The following ULK4 variants were observed in gnomAD, a reference collection of about 807,000 sequenced individuals.
ULK4 encodes the protein unc-51 like kinase 4, also known as inactive serine/threonine-protein kinase ULK4.
A neutral mutation model predicts 160.6 loss-of-function variants in ULK4; 133 were observed. The observed-to-expected ratio is 0.83, with a 90% CI of 0.72 to 0.96. The LOEUF (loss-of-function observed/expected upper bound fraction) is 0.96. Among genes scored for constraint, ULK4 ranks in the 40% least tolerant of loss-of-function variants. The pLI is 0.00. For synonymous variants in ULK4, 534 were observed against 539.8 expected (o/e 0.99, Z 0.15); for missense variants, 1,580 against 1,499.5 (o/e 1.05, Z -0.89).
At chr3:41,359,790 G>A (rs1012782705) in intron 35 of ULK4, among the ~76,000 whole-genome samples, 5 of 152,120 alleles carry the variant, frequency 3.3e-5, no homozygotes, top group Non-Finnish European at 5.9e-5. Flanking sequence ...ATGGAGTAGA[G>A]ACTTAAATGT....
At chr3:41,738,885 C>T (rs2038142952) in intron 22 of ULK4, among the ~76,000 whole-genome samples, 1 of 151,870 alleles carries the variant, frequency 6.6e-6, no homozygotes, top group South Asian at 2.1e-4. Context: ...ATTCTACAAG[C>T]TGCTGGGCCA....
At chr3:41,490,739 G>A (rs1288798885) in intron 32 of ULK4, among the ~76,000 whole-genome samples, 2 of 152,116 alleles carry the variant, frequency 1.3e-5, no homozygotes, top group African/African-American at 4.8e-5. Flanking sequence ...ACCATGGTTT[G>A]GGAATATTAA....
Position 41,960,838 on chromosome 3 carries a change from T to C in ULK4, c.-49+1178A>G, listed in dbSNP as rs143221057. Among the ~76,000 whole-genome samples, 7 of 152,280 alleles carry C rather than the reference T, an allele frequency of 4.6e-5. No homozygotes were observed. The East Asian group carries it at 1.3e-3, about 29-fold the overall frequency. On this transcript the variant is annotated intron_variant, in intron 1 of 36. Transcript: ENST00000301831. ...AGAAAACTCCACAGAATACATAGTT[T>C]AATGAATTACTAAAGAGGGACACCC... is the stretch of plus-strand genomic sequence containing the variant.
chr3:41,313,287 C>T (rs2125722357), intron 35 of ULK4, among the ~76,000 whole-genome samples: 1 of 152,260 alleles, frequency 6.6e-6, no homozygotes. Flanking sequence ...ATCTAAAGTA[C>T]CAATTTCATA....
intron 12 of ULK4, among the ~76,000 whole-genome samples, chr3:41,904,764 A>C (rs1698494514): frequency 6.6e-6 from 1 of 152,210 alleles, no homozygotes; most frequent in South Asian, 2.1e-4. Context: ...TATATTTGTC[A>C]AGCAATAAGT....
At chr3:41,785,365 T>C (rs139673279) in intron 21 of ULK4, among the ~76,000 whole-genome samples, 327 of 152,314 alleles carry the variant, frequency 2.1e-3, no homozygotes, top group African/African-American at 7.6e-3. Context: ...ATAAAATGCA[T>C]AGACGCAGAC....
chr3:41,733,177 T>C (rs532378220), intron 22 of ULK4, among the ~76,000 whole-genome samples: 1 of 152,278 alleles, frequency 6.6e-6, no homozygotes, highest in South Asian at 2.1e-4. Context: ...ATTTGATCAT[T>C]ACACAGTGTA....
At chr3:41,458,584 A>G (rs1482965816) in intron 33 of ULK4, among the ~76,000 whole-genome samples, 4 of 152,096 alleles carry the variant, frequency 2.6e-5, no homozygotes, top group Non-Finnish European at 5.9e-5. Context: ...ATAACAGAAT[A>G]CAGCTTCTTA....
At chr3:41,501,283 G>T (rs1327557650) in intron 32 of ULK4, among the ~76,000 whole-genome samples, 1 of 152,174 alleles carries the variant, frequency 6.6e-6, no homozygotes, top group East Asian at 1.9e-4. Context: ...GGATCACGAG[G>T]TCAGGAGATC....
At chr3:41,680,688 G>A (rs993013853) in intron 29 of ULK4, among the ~76,000 whole-genome samples, 6 of 152,100 alleles carry the variant, frequency 3.9e-5, no homozygotes, top group African/African-American at 1.4e-4. Context: ...TTAAGAAGTT[G>A]AAACAATAGA....
At chr3:41,880,030 G>C (rs1445409062) in intron 17 of ULK4, among the ~76,000 whole-genome samples, 2 of 152,126 alleles carry the variant, frequency 1.3e-5, no homozygotes, top group Non-Finnish European at 2.9e-5. Flanking sequence ...TGAGGCAGGA[G>C]AATCGTTTGA....
At chr3:41,638,508 G>A (rs1016924981) in intron 30 of ULK4, among the ~76,000 whole-genome samples, 12 of 152,270 alleles carry the variant, frequency 7.9e-5, no homozygotes, top group East Asian at 3.9e-4. Context: ...TGACTTCACC[G>A]CCTGGGTTTT....
At chr3:41,936,987 C>T (rs1476434044) in intron 3 of ULK4, 1 of 229,910 alleles carries the variant, frequency 4.3e-6, no homozygotes, top group Admixed American at 5.3e-5. Flanking sequence ...TTATTACACA[C>T]TGCATGCCTG....
intron 20 of ULK4, among the ~76,000 whole-genome samples, chr3:41,795,509 T>G (rs1370808734): frequency 6.6e-6 from 1 of 152,126 alleles, no homozygotes; most frequent in East Asian, 1.9e-4. Context: ...CAGAGAGAGA[T>G]AAACAAAACA....
chr3:41,251,850 G>C (rs1209009412), intron 35 of ULK4, among the ~76,000 whole-genome samples: 1 of 152,190 alleles, frequency 6.6e-6, no homozygotes, highest in Non-Finnish European at 1.5e-5. Context: ...GAAACCCAGA[G>C]AACCAGAAAG....
At chr3:41,256,865 A>T (rs2078845660) in intron 35 of ULK4, among the ~76,000 whole-genome samples, 1 of 152,228 alleles carries the variant, frequency 6.6e-6, no homozygotes, top group South Asian at 2.1e-4. Flanking sequence ...CTCTTTAAAA[A>T]TATTATTTTT....
chr3:41,774,602 G>A (rs1233267365), intron 21 of ULK4, among the ~76,000 whole-genome samples: 4 of 149,440 alleles, frequency 2.7e-5, no homozygotes, highest in African/African-American at 1.0e-4. Flanking sequence ...TGGAGAAATA[G>A]GAACACTTTT....
intron 32 of ULK4, among the ~76,000 whole-genome samples, chr3:41,490,715 T>C (rs181828117): frequency 6.6e-6 from 1 of 152,330 alleles, no homozygotes; most frequent in East Asian, 1.9e-4. Flanking sequence ...TCTTGAGAGT[T>C]TTCTACAATG....
rs1438395535 is a variant in ULK4, at chr3:41,715,325, C to G, written c.2578-32G>C. 3.7e-6 allele frequency: 6 copies of G among 1,612,540 alleles called. No individual in the cohort carries two copies. In the South Asian group the frequency reaches 5.5e-5, roughly 15 times the overall value. Reference sequence around the variant, plus strand: ...GATGAGAGTTTCTACAGATTAAATTCTGGAAGCTATGTACAACGTTAGCTC... The same window carrying G: ...GATGAGAGTTTCTACAGATTAAATTGTGGAAGCTATGTACAACGTTAGCTC... On this transcript the variant is annotated intron_variant, in intron 24 of 36. Coordinates refer to ENST00000301831, the MANE Select transcript of ULK4 (RefSeq NM_017886.4).
Sources: allele counts gnomAD v4.1 joint callset (sites outside exome capture counted in the v4.1 genomes callset), GRCh38; gene constraint gnomAD v4.1.1; transcripts MANE v1.5; gene names NCBI Gene and HGNC (gene_info 2026-07-23, HGNC 2026-07-21).